Variants in SV2C observed in about 807,000 individuals in gnomAD.
The protein encoded by SV2C is synaptic vesicle glycoprotein 2C, also known as solute carrier family 22 member B3.
SV2C carries 49 observed loss-of-function variants against 79.7 expected under a neutral mutation model. That is an observed-to-expected ratio of 0.61 (90% confidence interval 0.49 to 0.78). SV2C has a LOEUF of 0.78. Among genes scored for constraint, SV2C ranks in the 30% least tolerant of loss-of-function variants. The pLI is 0.00. For synonymous variants in SV2C, 334 were observed against 333.2 expected (o/e 1.00, Z -0.03); for missense variants, 833 against 912.9 (o/e 0.91, Z 1.13).
intron 4 of SV2C, among the ~76,000 whole-genome samples, chr5:76,241,138 G>A (rs1167288488): frequency 2.7e-5 from 4 of 149,736 alleles, no homozygotes; most frequent in African/African-American, 9.8e-5. Context: ...TGTATTTTTA[G>A]TAGAGACGGG....
the SV2C span, among the ~76,000 whole-genome samples, chr5:75,903,038 G>A: frequency 6.6e-6 from 1 of 152,108 alleles, no homozygotes; most frequent in Non-Finnish European, 1.5e-5. Context: ...TTATTTTTCA[G>A]TTAAGAAATT....
the SV2C span, among the ~76,000 whole-genome samples, chr5:75,954,784 C>T: frequency 1.3e-5 from 2 of 148,242 alleles, no homozygotes; most frequent in African/African-American, 5.2e-5. Flanking sequence ...TGAGTGAACT[C>T]CCATTCACAA....
At chr5:76,141,781 G>A (rs1352250782) in intron 2 of SV2C, among the ~76,000 whole-genome samples, 2 of 122,798 alleles carry the variant, frequency 1.6e-5, no homozygotes, top group African/African-American at 3.2e-5. Context: ...CCAAGATCAC[G>A]CCACTGCACT....
the SV2C span, among the ~76,000 whole-genome samples, chr5:75,943,231 T>C: frequency 6.6e-6 from 1 of 152,164 alleles, no homozygotes. Flanking sequence ...GCTCACGCTA[T>C]TGCTTGGAAG....
chr5:76,216,141 C>T (rs1209724809), intron 4 of SV2C, among the ~76,000 whole-genome samples: 2 of 152,082 alleles, frequency 1.3e-5, no homozygotes, highest in African/African-American at 2.4e-5. Flanking sequence ...ACAGTGGAGT[C>T]CACTCAGCCT....
intron 4 of SV2C, among the ~76,000 whole-genome samples, chr5:76,280,167 GA>G (rs1298014251): frequency 6.6e-6 from 1 of 151,960 alleles, no homozygotes; most frequent in Non-Finnish European, 1.5e-5. Context: ...GGATACTGGG[GA>G]AAAAAAGCAT....
chr5:76,070,707 G>A, the SV2C span, among the ~76,000 whole-genome samples: 4 of 152,176 alleles, frequency 2.6e-5, no homozygotes, highest in African/African-American at 4.8e-5. Context: ...TGAACACTGC[G>A]CTCTATGCTC....
At chr5:75,892,851 T>C in the SV2C span, among the ~76,000 whole-genome samples, 1 of 152,250 alleles carries the variant, frequency 6.6e-6, no homozygotes, top group African/African-American at 2.4e-5. Flanking sequence ...TGATTCCATG[T>C]CTTGGCTACT....
rs1363550828 is a variant in SV2C at position 76,329,566 on chromosome 5, G to C, written c.*4019G>C. 6.6e-6 allele frequency: 1 copy of C among 152,222 alleles called. No individual in the cohort carries two copies. The highest frequency in any genetic ancestry group is 2.4e-5 in the African/African-American group (1 of 41,448). 9.4% of individuals were successfully genotyped at this position (152,222 alleles called of 1,614,324 possible). ...AAAAGAAATGTAGTGACAGAAGGGA[G>C]AGTCCAAGATACCACTGATAAGGTT... is the stretch of plus-strand genomic sequence containing the variant. On this transcript the variant is annotated 3_prime_UTR_variant, in exon 13 of 13. Coordinates refer to ENST00000502798, the MANE Select transcript of SV2C (RefSeq NM_014979.4).
the SV2C span, among the ~76,000 whole-genome samples, chr5:75,943,724 T>G: frequency 6.6e-6 from 1 of 152,296 alleles, no homozygotes; most frequent in African/African-American, 2.4e-5. Flanking sequence ...AAGTGAGGTC[T>G]AGACAGTCTT....
the SV2C span, among the ~76,000 whole-genome samples, chr5:76,013,534 C>A: frequency 6.6e-6 from 1 of 152,156 alleles, no homozygotes; most frequent in Non-Finnish European, 1.5e-5. Context: ...TCTAAATATA[C>A]AATCATGTCA....
At chr5:76,072,433 T>C in the SV2C span, among the ~76,000 whole-genome samples, 27 of 152,314 alleles carry the variant, frequency 1.8e-4, no homozygotes, top group African/African-American at 6.3e-4. Context: ...ATAATGAAAC[T>C]GGTAAGTAAT....
intron 4 of SV2C, among the ~76,000 whole-genome samples, chr5:76,256,281 G>A (rs1425145923): frequency 1.3e-5 from 2 of 152,270 alleles, no homozygotes; most frequent in South Asian, 2.1e-4. Context: ...GAGTGAATGC[G>A]AGCCCTGGAG....
At chr5:75,892,106 T>A in the SV2C span, among the ~76,000 whole-genome samples, 1 of 152,080 alleles carries the variant, frequency 6.6e-6, no homozygotes, top group East Asian at 1.9e-4. Context: ...TTCCTCAGAA[T>A]TGATTTTGGC....
At chr5:75,956,539 A>G in the SV2C span, among the ~76,000 whole-genome samples, 43 of 151,966 alleles carry the variant, frequency 2.8e-4, 1 homozygote, top group Admixed American at 2.4e-3. Context: ...TAAAACTTAA[A>G]GTATAAAAAT....
chr5:75,865,770 A>ACGTAGAACGTTAATGCCC, the SV2C span, among the ~76,000 whole-genome samples: 1 of 152,228 alleles, frequency 6.6e-6, no homozygotes, highest in Non-Finnish European at 1.5e-5. Flanking sequence ...CGTTAATGCC[A>ACGTAGAACGTTAATGCCC]CGTAGAACGT....
At chr5:75,932,582 A>G in the SV2C span, among the ~76,000 whole-genome samples, 1 of 152,240 alleles carries the variant, frequency 6.6e-6, no homozygotes, top group Non-Finnish European at 1.5e-5. Context: ...CCTTACAGTA[A>G]ACAAAGCATT....
the SV2C span, among the ~76,000 whole-genome samples, chr5:76,041,495 C>T: frequency 6.6e-6 from 1 of 152,134 alleles, no homozygotes; most frequent in South Asian, 2.1e-4. Context: ...AAGAAGGACC[C>T]AGGTAGCAGG....
intron 12 of SV2C, among the ~76,000 whole-genome samples, chr5:76,309,669 C>G (rs1328612681): frequency 6.9e-6 from 1 of 144,510 alleles, no homozygotes; most frequent in African/African-American, 2.6e-5. Context: ...GGGGAAAAGT[C>G]AACACTCAAC....
Sources: allele counts gnomAD v4.1 joint callset (sites outside exome capture counted in the v4.1 genomes callset), GRCh38; gene constraint gnomAD v4.1.1; transcripts MANE v1.5; gene names NCBI Gene and HGNC (gene_info 2026-07-23, HGNC 2026-07-21).